The following ELOVL6 variants were observed in gnomAD, a reference collection of about 807,000 sequenced individuals.
The protein encoded by ELOVL6 is ELOVL fatty acid elongase 6, also known as very long chain fatty acid elongase 6.
In ELOVL6, 8 loss-of-function variants were observed where a neutral mutation model predicts 31.7. The observed-to-expected ratio is 0.25, with a 90% CI of 0.15 to 0.45. The LOEUF is 0.45. Among genes scored for constraint, ELOVL6 ranks in the 20% least tolerant of loss-of-function variants. ELOVL6 has a pLI of 1.00. For missense variants in ELOVL6, 126 were observed against 326.4 expected (o/e 0.39, Z 4.73); for synonymous variants, 101 against 117.7 (o/e 0.86, Z 0.92).
intron 1 of ELOVL6, among the ~76,000 whole-genome samples, chr4:110,169,010 G>A (rs1250115270): frequency 6.6e-6 from 1 of 152,068 alleles, no homozygotes; most frequent in African/African-American, 2.4e-5. Flanking sequence ...CACCCAGGCT[G>A]GTTTGCAATG....
At chr4:110,069,038 G>C (rs988090548) in intron 2 of ELOVL6, among the ~76,000 whole-genome samples, 11 of 151,744 alleles carry the variant, frequency 7.2e-5, no homozygotes, top group Admixed American at 5.9e-4. Context: ...CTACTCAGGA[G>C]GCTGAGGCTG....
intron 1 of ELOVL6, among the ~76,000 whole-genome samples, chr4:110,133,251 A>T (rs565923614): frequency 6.6e-6 from 1 of 152,196 alleles, no homozygotes; most frequent in Non-Finnish European, 1.5e-5. Context: ...AGAGTGTTCT[A>T]TTGTAACCCA....
chr4:110,060,681 A>G (rs1490391972), intron 2 of ELOVL6, among the ~76,000 whole-genome samples: 2 of 152,174 alleles, frequency 1.3e-5, no homozygotes, highest in East Asian at 3.9e-4. Context: ...CCTTAAGTGT[A>G]TGTCCCAGAG....
chr4:110,196,052 A>G (rs190955763), intron 1 of ELOVL6, among the ~76,000 whole-genome samples: 69 of 152,276 alleles, frequency 4.5e-4, no homozygotes, highest in Middle Eastern at 3.4e-3. Context: ...CTGGCTCAGT[A>G]CTGAGTGAAT....
At chr4:110,087,674 C>A (rs894241777) in intron 2 of ELOVL6, among the ~76,000 whole-genome samples, 1 of 152,158 alleles carries the variant, frequency 6.6e-6, no homozygotes, top group Non-Finnish European at 1.5e-5. Flanking sequence ...AGTAGAGACA[C>A]TGGCCCTTAC....
rs530588458 is a variant in ELOVL6, at chr4:110,191,011, GT to G, written c.89+7235del. 6.0e-4 allele frequency among the ~76,000 whole-genome samples: 91 copies of G among 151,682 alleles called. 1 individual carries two copies. Among genetic ancestry groups the G allele is most frequent in the Non-Finnish European group, 1.2e-3 (81 of 67,966 alleles). On this transcript the variant is annotated intron_variant, in intron 1 of 3. Transcript: ENST00000302274. ...TTTTTGTATTTTTTGTAGAGACAGG[GT>G]TTCGCCACTTTGACCAGGCTGGTCT...
intron 1 of ELOVL6, among the ~76,000 whole-genome samples, chr4:110,121,886 C>T (rs1315717063): frequency 1.3e-5 from 2 of 151,972 alleles, no homozygotes; most frequent in Non-Finnish European, 2.9e-5. Context: ...AAAAGGTCTC[C>T]AGAGAAATCT....
At chr4:110,085,235 G>T (rs1756217208) in intron 2 of ELOVL6, among the ~76,000 whole-genome samples, 1 of 152,186 alleles carries the variant, frequency 6.6e-6, no homozygotes, top group African/African-American at 2.4e-5. Context: ...GAAGTCACAG[G>T]AGAGGGATGA....
At chr4:110,164,081 C>T (rs1422486451) in intron 1 of ELOVL6, among the ~76,000 whole-genome samples, 1 of 152,162 alleles carries the variant, frequency 6.6e-6, no homozygotes, top group African/African-American at 2.4e-5. Context: ...AGCTACTTTT[C>T]ATGGAGAGCC....
intron 2 of ELOVL6, among the ~76,000 whole-genome samples, chr4:110,081,044 A>C (rs1755827953): frequency 6.6e-6 from 1 of 152,178 alleles, no homozygotes; most frequent in African/African-American, 2.4e-5. Context: ...AGGGATGTGA[A>C]GGACCTCTTC....
At position 110,067,125 on chromosome 4, in the gene ELOVL6, G is replaced by C. The variant is rs532464986; in HGVS notation, c.222-7371C>G. Among the ~76,000 whole-genome samples the C allele has an allele frequency of 6.6e-5, 10 of 152,186 alleles. No individual in the cohort carries two copies. In the East Asian group the frequency reaches 1.4e-3, roughly 21 times the overall value. ...TAATAAATGTCTAAGCAGTTAAATCGGGGCATAGGTTGTAATTTTTCTGAT... is the reference window on the plus strand; with the variant it reads ...TAATAAATGTCTAAGCAGTTAAATCCGGGCATAGGTTGTAATTTTTCTGAT... On this transcript the variant is annotated intron_variant, in intron 2 of 3. Coordinates refer to ENST00000302274, the MANE Select transcript of ELOVL6 (RefSeq NM_024090.3).
intron 2 of ELOVL6, among the ~76,000 whole-genome samples, chr4:110,082,219 T>G (rs942227421): frequency 6.4e-4 from 97 of 151,932 alleles, no homozygotes; most frequent in African/African-American, 2.2e-3. Context: ...AGAAATACCA[T>G]TTGACCCAGC....
At chr4:110,176,177 T>TA (rs201009514) in intron 1 of ELOVL6, among the ~76,000 whole-genome samples, 4 of 151,502 alleles carry the variant, frequency 2.6e-5, no homozygotes, top group East Asian at 1.9e-4. Context: ...TTTATTTATT[T>TA]TTTGAGATGG....
At chr4:110,082,802 C>T (rs1422788067) in intron 2 of ELOVL6, among the ~76,000 whole-genome samples, 4 of 152,308 alleles carry the variant, frequency 2.6e-5, no homozygotes, top group East Asian at 3.9e-4. Flanking sequence ...TTTCTCACAG[C>T]GCATCCCTGT....
At chr4:110,142,057 C>T (rs902088227) in intron 1 of ELOVL6, among the ~76,000 whole-genome samples, 1 of 145,424 alleles carries the variant, frequency 6.9e-6, no homozygotes, top group African/African-American at 2.5e-5. Context: ...ATATCCCACC[C>T]CTTACTAACT....
At chr4:110,167,507 G>A (rs938780276) in intron 1 of ELOVL6, among the ~76,000 whole-genome samples, 1 of 151,898 alleles carries the variant, frequency 6.6e-6, no homozygotes, top group Non-Finnish European at 1.5e-5. Flanking sequence ...TGGTTGCAGA[G>A]AGGGGAGTGA....
intron 2 of ELOVL6, among the ~76,000 whole-genome samples, chr4:110,084,217 A>ACTTATATGATATATATAACATATAT (rs1756080122): frequency 1.4e-5 from 1 of 72,426 alleles, no homozygotes; most frequent in Non-Finnish European, 2.4e-5. Context: ...ATAACATATA[A>ACTTATATGATATATATAACATATAT]CTTATATGAT....
At chr4:110,114,873 A>T (rs892970101) in intron 1 of ELOVL6, among the ~76,000 whole-genome samples, 1 of 152,232 alleles carries the variant, frequency 6.6e-6, no homozygotes, top group Admixed American at 6.5e-5. Flanking sequence ...ATCAAAACCA[A>T]GAAAAATAAC....
chr4:110,055,165 G>A (rs1754945880), intron 3 of ELOVL6, among the ~76,000 whole-genome samples: 1 of 152,144 alleles, frequency 6.6e-6, no homozygotes, highest in Non-Finnish European at 1.5e-5. Context: ...AGGCCACTCT[G>A]GCAGGTACAA....
Sources: gnomAD v4.1 joint callset for allele counts (sites outside exome capture counted in the v4.1 genomes callset) on GRCh38, gnomAD v4.1.1 for gene constraint, MANE v1.5 for transcripts, NCBI Gene and HGNC (gene_info 2026-07-23, HGNC 2026-07-21) for gene names.